CADM2: variants seen among roughly 807,000 people sequenced by gnomAD.
CADM2 encodes the protein cell adhesion molecule 2.
A neutral mutation model predicts 49.8 loss-of-function variants in CADM2; 12 were observed. That is an observed-to-expected ratio of 0.24 (90% CI 0.15 to 0.39). The LOEUF (loss-of-function observed/expected upper bound fraction) is 0.39. Ranked by LOEUF, CADM2 falls within the 10% of genes least tolerant of loss-of-function variation. The probability of loss-of-function intolerance (pLI) is 1.00; values close to 1 mark genes in which losing one functional copy is unlikely to be tolerated. For synonymous variants in CADM2, 214 were observed against 175.4 expected (o/e 1.22, Z -1.74); for missense variants, 378 against 492.3 (o/e 0.77, Z 2.20).
chr3:85,474,108 A>G (rs1178623265), intron 1 of CADM2, among the ~76,000 whole-genome samples: 1 of 151,868 alleles, frequency 6.6e-6, no homozygotes, highest in East Asian at 1.9e-4. Context: ...TATTTGTATT[A>G]GTTAGGGATC....
chr3:85,908,720 C>T (rs1021509268), intron 5 of CADM2, among the ~76,000 whole-genome samples: 4 of 125,002 alleles, frequency 3.2e-5, no homozygotes, highest in East Asian at 2.7e-4. Context: ...TAATAACTTA[C>T]GGTTATGATT....
At chr3:86,005,833 C>T (rs1730721481) in intron 8 of CADM2, among the ~76,000 whole-genome samples, 5 of 152,056 alleles carry the variant, frequency 3.3e-5, no homozygotes, top group Admixed American at 2.6e-4. Flanking sequence ...TTTTTGTACC[C>T]ATTAACTACC....
chr3:86,020,314 A>G (rs1240042326), intron 8 of CADM2, among the ~76,000 whole-genome samples: 1 of 151,790 alleles, frequency 6.6e-6, no homozygotes, highest in Non-Finnish European at 1.5e-5. Context: ...GAATAGACCA[A>G]TAACAGGAGC....
intron 2 of CADM2, among the ~76,000 whole-genome samples, chr3:85,739,108 C>T (rs1044032357): frequency 6.6e-6 from 1 of 152,090 alleles, no homozygotes; most frequent in Non-Finnish European, 1.5e-5. Flanking sequence ...TACATGATGA[C>T]ATTTATCATT....
chr3:85,913,063 G>A (rs911532659), intron 6 of CADM2, among the ~76,000 whole-genome samples: 36 of 152,030 alleles, frequency 2.4e-4, no homozygotes, highest in Non-Finnish European at 3.4e-4. Flanking sequence ...TTAATTTTGT[G>A]AATCTAATAG....
chr3:85,176,837 T>C (rs1467809205), intron 1 of CADM2, among the ~76,000 whole-genome samples: 2 of 152,186 alleles, frequency 1.3e-5, no homozygotes, highest in African/African-American at 2.4e-5. Flanking sequence ...CAAATGAGTA[T>C]GAAGTGATGA....
chr3:85,356,388 G>C (rs2031860269), intron 1 of CADM2, among the ~76,000 whole-genome samples: 1 of 152,182 alleles, frequency 6.6e-6, no homozygotes, highest in Admixed American at 6.6e-5. Context: ...AAACTATTGA[G>C]AAACATTTGT....
intron 1 of CADM2, among the ~76,000 whole-genome samples, chr3:85,628,575 A>G (rs1424333821): frequency 2.3e-4 from 3 of 13,238 alleles, no homozygotes; most frequent in Admixed American, 2.1e-3. Context: ...ATACATATAT[A>G]CACACACATA....
chr3:86,035,357 T>C (rs1404708833), intron 8 of CADM2, among the ~76,000 whole-genome samples: 2 of 152,050 alleles, frequency 1.3e-5, no homozygotes, highest in African/African-American at 4.8e-5. Context: ...TCTTGATCTT[T>C]GTAGGCTGAC....
chr3:85,655,515 A>T (rs1053879282), intron 1 of CADM2, among the ~76,000 whole-genome samples: 2 of 151,958 alleles, frequency 1.3e-5, no homozygotes, highest in African/African-American at 4.8e-5. Flanking sequence ...TTCTTAATAA[A>T]AAAAAAAAGC....
intron 8 of CADM2, chr3:86,013,513 T>G (rs1423892368): frequency 1.9e-6 from 3 of 1,604,626 alleles, no homozygotes; most frequent in Non-Finnish European, 2.6e-6. Flanking sequence ...ACAACAGCAG[T>G]TAACACGTTG....
At chr3:86,035,749 C>A (rs1292168857) in intron 8 of CADM2, among the ~76,000 whole-genome samples, 3 of 152,062 alleles carry the variant, frequency 2.0e-5, no homozygotes, top group Non-Finnish European at 4.4e-5. Flanking sequence ...CTAAGTCAAC[C>A]CAGCAATCTT....
At chr3:85,914,515 C>A (rs766808985) in intron 6 of CADM2, among the ~76,000 whole-genome samples, 2 of 152,080 alleles carry the variant, frequency 1.3e-5, no homozygotes, top group Non-Finnish European at 2.9e-5. Context: ...TTAATTTAAA[C>A]TCTTTAATAT....
At chr3:85,305,045 T>C (rs2044181955) in intron 1 of CADM2, among the ~76,000 whole-genome samples, 2 of 151,694 alleles carry the variant, frequency 1.3e-5, no homozygotes, top group South Asian at 4.1e-4. Context: ...TTACATCCAT[T>C]ATTTATTTTA....
chr3:85,635,136 T>C (rs1352598652), intron 1 of CADM2, among the ~76,000 whole-genome samples: 1 of 152,134 alleles, frequency 6.6e-6, no homozygotes, highest in Non-Finnish European at 1.5e-5. Context: ...CTCTCCTTTA[T>C]AGCTTATTCT....
At chr3:85,646,110 A>T (rs2064875536) in intron 1 of CADM2, among the ~76,000 whole-genome samples, 1 of 151,992 alleles carries the variant, frequency 6.6e-6, no homozygotes, top group African/African-American at 2.4e-5. Context: ...CCTGGGATAA[A>T]AATTACATTC....
intron 1 of CADM2, among the ~76,000 whole-genome samples, chr3:85,539,725 G>C (rs2061500280): frequency 6.6e-6 from 1 of 152,032 alleles, no homozygotes; most frequent in Non-Finnish European, 1.5e-5. Flanking sequence ...AAGAGAGGTG[G>C]ATAATTAAAG....
intron 1 of CADM2, among the ~76,000 whole-genome samples, chr3:85,253,530 C>G (rs569104824): frequency 6.6e-6 from 1 of 152,184 alleles, no homozygotes; most frequent in Non-Finnish European, 1.5e-5. Context: ...ATCTTTCACT[C>G]TTCTCTGCTT....
In CADM2 at chr3:85,916,548, C is replaced by A. The variant is rs568677971; in HGVS notation, c.700+4005C>A. On this transcript the variant is annotated intron_variant, in intron 6 of 9. Coordinates refer to ENST00000383699, the MANE Select transcript of CADM2 (RefSeq NM_001167675.2). ...AGTATTCCATGGTGTATATGTGCCA[C>A]ATTTTCTTAATCCAGTCTATCATTG... is the stretch of plus-strand genomic sequence containing the variant. Among the ~76,000 whole-genome samples the A allele has an allele frequency of 5.3e-5, 8 of 152,076 alleles. No individual in the cohort carries two copies. The South Asian group carries it at 1.7e-3, about 32-fold the overall frequency.
Sources: gnomAD v4.1 joint callset for allele counts (sites outside exome capture counted in the v4.1 genomes callset) on GRCh38, gnomAD v4.1.1 for gene constraint, MANE v1.5 for transcripts, NCBI Gene and HGNC (gene_info 2026-07-23, HGNC 2026-07-21) for gene names.